AFF3: variants seen among roughly 807,000 people sequenced by gnomAD.
AFF3 encodes AF4/FMR2 family member 3.
A neutral mutation model predicts 129.7 loss-of-function variants in AFF3; 32 were observed. The ratio of observed to expected loss-of-function variants is 0.25; its 90% CI spans 0.19 to 0.33. The LOEUF (loss-of-function observed/expected upper bound fraction) is 0.33. Ranked by LOEUF, AFF3 falls within the 10% of genes least tolerant of loss-of-function variation. The pLI is 1.00. For missense variants in AFF3, 1,373 were observed against 1,592.0 expected, an observed-to-expected ratio of 0.86 and a Z score of 2.34; for synonymous variants, 644 against 635.4, an observed-to-expected ratio of 1.01 and a Z score of -0.20.
intron 7 of AFF3, among the ~76,000 whole-genome samples, chr2:99,954,844 A>C (rs1256735268): frequency 6.6e-6 from 1 of 151,884 alleles, no homozygotes; most frequent in Non-Finnish European, 1.5e-5. Flanking sequence ...GCAGCACACC[A>C]GCATGGCACA....
chr2:99,924,585 C>G (rs1036602128), intron 7 of AFF3, among the ~76,000 whole-genome samples: 4 of 152,106 alleles, frequency 2.6e-5, no homozygotes, highest in Admixed American at 6.5e-5. Flanking sequence ...TCATTTAAGT[C>G]TGGAGTAGGG....
intron 8 of AFF3, among the ~76,000 whole-genome samples, chr2:99,814,923 C>T (rs1558876358): frequency 6.6e-6 from 1 of 150,638 alleles, no homozygotes; most frequent in Non-Finnish European, 1.5e-5. Flanking sequence ...GATCTTGGCT[C>T]ACTGCAACCT....
At chr2:99,641,919 A>G (rs1684237746) in intron 13 of AFF3, among the ~76,000 whole-genome samples, 1 of 152,138 alleles carries the variant, frequency 6.6e-6, no homozygotes, top group Admixed American at 6.5e-5. Flanking sequence ...ACAAGCCTAC[A>G]TGTCCTCTAC....
At chr2:100,093,059 G>A in intron 4 of AFF3, among the ~76,000 whole-genome samples, 1 of 152,208 alleles carries the variant, frequency 6.6e-6, no homozygotes, top group African/African-American at 2.4e-5. Flanking sequence ...CCTCTATACT[G>A]TAGACGGATT....
At chr2:99,937,707 T>C (rs1674655170) in intron 7 of AFF3, among the ~76,000 whole-genome samples, 1 of 152,170 alleles carries the variant, frequency 6.6e-6, no homozygotes, top group African/African-American at 2.4e-5. Flanking sequence ...CTGCATTTGA[T>C]TTTTAACAGA....
chr2:99,645,759 T>C (rs1684637630), intron 13 of AFF3, among the ~76,000 whole-genome samples: 2 of 152,246 alleles, frequency 1.3e-5, no homozygotes, highest in African/African-American at 2.4e-5. Context: ...ATCACAGTTT[T>C]AATTTATCAA....
At chr2:99,878,131 A>G (rs532247823) in intron 7 of AFF3, among the ~76,000 whole-genome samples, 1 of 152,334 alleles carries the variant, frequency 6.6e-6, no homozygotes, top group African/African-American at 2.4e-5. Context: ...ATTTGTGGTA[A>G]GCAGTAGGAG....
intron 11 of AFF3, 30 bp from the exon 12 acceptor site, chr2:99,672,619 G>C: frequency 6.2e-7 from 1 of 1,606,572 alleles, no homozygotes; most frequent in Non-Finnish European, 8.5e-7. Context: ...GGTACAAAGA[G>C]GTACAGATAG....
At chr2:100,011,630 G>A (rs940325578) in intron 4 of AFF3, 2 of 777,012 alleles carry the variant, frequency 2.6e-6, no homozygotes, top group African/African-American at 3.4e-5. Context: ...TTAGCCTTGA[G>A]TATCTTAGCG....
chr2:100,055,577 T>C (rs929469395), intron 4 of AFF3, among the ~76,000 whole-genome samples: 1 of 152,116 alleles, frequency 6.6e-6, no homozygotes, highest in African/African-American at 2.4e-5. Flanking sequence ...TTAGTAAGAA[T>C]GCTTTAGGTG....
intron 13 of AFF3, among the ~76,000 whole-genome samples, chr2:99,634,282 T>C (rs1683412002): frequency 6.6e-6 from 1 of 152,224 alleles, no homozygotes; most frequent in African/African-American, 2.4e-5. Context: ...ACAATGTGCA[T>C]GCACAGGTGA....
At chr2:99,720,245 C>T (rs1372516899) in intron 11 of AFF3, among the ~76,000 whole-genome samples, 1 of 151,978 alleles carries the variant, frequency 6.6e-6, no homozygotes, top group Non-Finnish European at 1.5e-5. Context: ...GGAGCTGGGG[C>T]CCAGAGGGTG....
chr2:100,106,209 A>C lies in AFF3; in HGVS notation c.-144-626T>G, dbSNP rs11123806. 2.4e-5 allele frequency: 28 copies of C among 1,186,018 alleles called. No individual in the cohort carries two copies. The African/African-American group carries it at 4.0e-4, about 17-fold the overall frequency. The allele number at this position is 1,186,018 out of a possible 1,614,324, so 73.5% of individuals were successfully genotyped here. A position where few individuals can be genotyped will look rare whatever the true frequency, so the allele number is the denominator to read the frequency against. ...ATTAGCATCCATAACTAATGTGCAA[A>C]ATGTAAAACGCTAAATTAAGACAGA... On this transcript the variant is annotated intron_variant, in intron 2 of 24. Transcript: ENST00000672756.
At chr2:99,998,417 C>T (rs7560187) in intron 7 of AFF3, among the ~76,000 whole-genome samples, 2,219 of 151,962 alleles carry the variant, frequency 0.015, 63 homozygotes, top group African/African-American at 0.051. Flanking sequence ...AGGGATGCCA[C>T]AGAGAGCATA....
At chr2:99,936,723 G>A (rs942131500) in intron 7 of AFF3, among the ~76,000 whole-genome samples, 4 of 152,204 alleles carry the variant, frequency 2.6e-5, no homozygotes, top group Admixed American at 6.5e-5. Context: ...CTGGACTTCC[G>A]AAGTGCAAAC....
At chr2:99,741,084 T>C in intron 10 of AFF3, among the ~76,000 whole-genome samples, 1 of 152,208 alleles carries the variant, frequency 6.6e-6, no homozygotes, top group Admixed American at 6.5e-5. Context: ...CTTGTTTTTC[T>C]CAGGTTTGTC....
chr2:99,936,901 C>T (rs937905707), intron 7 of AFF3, among the ~76,000 whole-genome samples: 1 of 152,148 alleles, frequency 6.6e-6, no homozygotes, highest in African/African-American at 2.4e-5. Flanking sequence ...CTCAGGACAC[C>T]TCAGTAAGCA....
rs181304948 is a variant in AFF3 at position 100,125,637 on chromosome 2, A to G, written c.-145+3587T>C. Among the ~76,000 whole-genome samples the G allele has an allele frequency of 2.0e-5, 3 of 152,190 alleles. No individual in the cohort carries two copies. In the East Asian group the frequency reaches 5.8e-4, roughly 29 times the overall value. Reference sequence around the variant, plus strand: ...TGGAGGTATTATTTTGGTTAAAAAAAAAATCTGTAATTGTGAAAACTATGG... The same window carrying G: ...TGGAGGTATTATTTTGGTTAAAAAAGAAATCTGTAATTGTGAAAACTATGG... On this transcript the variant is annotated intron_variant, in intron 2 of 24. Transcript: ENST00000672756.
intron 7 of AFF3, among the ~76,000 whole-genome samples, chr2:99,988,981 A>G (rs985961989): frequency 2.6e-5 from 4 of 152,230 alleles, no homozygotes; most frequent in Non-Finnish European, 5.9e-5. Flanking sequence ...GAGCCCACTC[A>G]AGAGACTTTC....
Sources: gnomAD v4.1 joint callset for allele counts (sites outside exome capture counted in the v4.1 genomes callset) on GRCh38, gnomAD v4.1.1 for gene constraint, MANE v1.5 for transcripts, NCBI Gene and HGNC (gene_info 2026-07-23, HGNC 2026-07-21) for gene names.